WWOX: variants seen among roughly 807,000 people sequenced by gnomAD.
WWOX encodes the protein WW domain containing oxidoreductase.
In WWOX, 69 loss-of-function variants were observed where a neutral mutation model predicts 46.2. The ratio of observed to expected loss-of-function variants is 1.49; its 90% CI spans 1.23 to 1.82. The LOEUF (loss-of-function observed/expected upper bound fraction) is 1.82, where lower values mean the gene tolerates loss of function less well. Among genes scored for constraint, WWOX ranks in the 40% most tolerant of loss-of-function variants. The probability of loss-of-function intolerance (pLI) is 0.00; values close to 1 mark genes in which losing one functional copy is unlikely to be tolerated. For synonymous variants in WWOX, 359 were observed against 202.6 expected (o/e 1.77, Z -6.56); for missense variants, 919 against 542.6 (o/e 1.69, Z -6.89).
chr16:78,999,235 C>G (rs2047047986), intron 8 of WWOX, among the ~76,000 whole-genome samples: 1 of 151,864 alleles, frequency 6.6e-6, no homozygotes, highest in Non-Finnish European at 1.5e-5. Flanking sequence ...CTTTGGGAGG[C>G]CAATGCAGGC....
chr16:78,943,973 G>C (rs904778093), intron 8 of WWOX, among the ~76,000 whole-genome samples: 2 of 152,158 alleles, frequency 1.3e-5, no homozygotes, highest in South Asian at 2.1e-4. Context: ...TTCATTTTCA[G>C]GTCCTTCACC....
In WWOX at chr16:79,057,872, A is replaced by G. The variant is rs530068831; in HGVS notation, c.1057-153736A>G. 1.3e-4 allele frequency among the ~76,000 whole-genome samples: 20 copies of G among 152,318 alleles called. No homozygotes were observed. The South Asian group carries it at 3.9e-3, about 30-fold the overall frequency. ...CTGTTGTATCATCTGAATTATTTCC[A>G]TATCCATAATGTGCAAGGATATCCT... On this transcript the variant is annotated intron_variant, in intron 8 of 8. Transcript: ENST00000566780.
At chr16:79,108,659 T>C (rs1420221020) in intron 8 of WWOX, among the ~76,000 whole-genome samples, 1 of 152,156 alleles carries the variant, frequency 6.6e-6, no homozygotes, top group Non-Finnish European at 1.5e-5. Context: ...CCTAGCACTT[T>C]GAGAGGCTGA....
chr16:78,910,520 T>C (rs1238829378), intron 8 of WWOX, among the ~76,000 whole-genome samples: 2 of 138,736 alleles, frequency 1.4e-5, no homozygotes, highest in Non-Finnish European at 3.2e-5. Flanking sequence ...TTTTTTTTTT[T>C]TAAATTAAGG....
At chr16:78,594,687 AT>A (rs2045442769) in intron 8 of WWOX, among the ~76,000 whole-genome samples, 1 of 152,056 alleles carries the variant, frequency 6.6e-6, no homozygotes, top group Non-Finnish European at 1.5e-5. Context: ...AGGGTTTGTC[AT>A]GGACCACACC....
intron 5 of WWOX, among the ~76,000 whole-genome samples, chr16:78,202,711 T>A (rs2036269809): frequency 6.6e-6 from 1 of 152,130 alleles, no homozygotes; most frequent in Admixed American, 6.5e-5. Flanking sequence ...TCTAAAAGAG[T>A]GTCCTCCCAG....
chr16:78,268,063 C>T (rs748448268), intron 5 of WWOX, among the ~76,000 whole-genome samples: 8 of 152,216 alleles, frequency 5.3e-5, no homozygotes, highest in Non-Finnish European at 1.0e-4. Flanking sequence ...AAGCGATCTG[C>T]CTGCCTTGTC....
At chr16:78,910,511 T>G (rs74403091) in intron 8 of WWOX, among the ~76,000 whole-genome samples, 6 of 137,582 alleles carry the variant, frequency 4.4e-5, no homozygotes, top group African/African-American at 5.3e-5. Context: ...CTTTTGTTTT[T>G]TTTTTTTTTT....
At chr16:79,042,778 A>G (rs1394968043) in intron 8 of WWOX, among the ~76,000 whole-genome samples, 1 of 148,640 alleles carries the variant, frequency 6.7e-6, no homozygotes, top group Non-Finnish European at 1.5e-5. Context: ...GGATTTCTCA[A>G]ATGCACATTT....
At chr16:78,784,335 A>G (rs546973110) in intron 8 of WWOX, among the ~76,000 whole-genome samples, 1 of 152,272 alleles carries the variant, frequency 6.6e-6, no homozygotes, top group South Asian at 2.1e-4. Context: ...CCCTGATGAG[A>G]TTACAGGTCC....
intron 8 of WWOX, among the ~76,000 whole-genome samples, chr16:79,165,127 G>C (rs538191519): frequency 1.4e-5 from 2 of 147,438 alleles, no homozygotes; most frequent in South Asian, 2.2e-4. Flanking sequence ...TGATATGGAA[G>C]GTCTTCACAG....
intron 8 of WWOX, among the ~76,000 whole-genome samples, chr16:78,809,088 C>T (rs1020814734): frequency 6.6e-6 from 1 of 152,042 alleles, no homozygotes; most frequent in African/African-American, 2.4e-5. Flanking sequence ...TGAGGACACA[C>T]GGCGTTCTGC....
At chr16:78,150,734 A>G (rs2034376193) in intron 4 of WWOX, among the ~76,000 whole-genome samples, 1 of 152,172 alleles carries the variant, frequency 6.6e-6, no homozygotes, top group African/African-American at 2.4e-5. Flanking sequence ...TACTTAAATC[A>G]TTGGCCATTG....
chr16:78,495,145 C>CTTTTTTTTTTTTTTTTTTT (rs71140804), intron 8 of WWOX, among the ~76,000 whole-genome samples: 15 of 116,598 alleles, frequency 1.3e-4, no homozygotes, highest in Non-Finnish European at 2.3e-4. Context: ...CTGTTGTGTT[C>CTTTTTTTTTTTTTTTTTTT]TTTTTTTTTT....
At chr16:78,968,052 CATGGCACAGTGTGTGGTCTGT>C (rs2046395466) in intron 8 of WWOX, among the ~76,000 whole-genome samples, 1 of 151,960 alleles carries the variant, frequency 6.6e-6, no homozygotes, top group Admixed American at 6.6e-5. Flanking sequence ...GCATGGTCTG[CATGGCACAGTGTGTGGTCTGT>C]ATGGCACAGT....
intron 8 of WWOX, among the ~76,000 whole-genome samples, chr16:79,126,185 G>C (rs1003589353): frequency 6.6e-6 from 1 of 152,040 alleles, no homozygotes; most frequent in Non-Finnish European, 1.5e-5. Flanking sequence ...AAGAGGATGT[G>C]AGCTGAGGCT....
intron 8 of WWOX, among the ~76,000 whole-genome samples, chr16:79,171,618 T>G (rs530960230): frequency 6.6e-6 from 1 of 152,204 alleles, no homozygotes; most frequent in East Asian, 1.9e-4. Context: ...AGTATCTCAG[T>G]GTTGAGTCCA....
intron 8 of WWOX, among the ~76,000 whole-genome samples, chr16:78,613,750 A>G (rs1278067810): frequency 6.6e-6 from 1 of 152,194 alleles, no homozygotes; most frequent in Admixed American, 6.5e-5. Flanking sequence ...GCTTTCCAAA[A>G]TGGGAACAAG....
intron 8 of WWOX, among the ~76,000 whole-genome samples, chr16:78,826,233 C>G (rs910682282): frequency 6.6e-6 from 1 of 152,170 alleles, no homozygotes; most frequent in Non-Finnish European, 1.5e-5. Context: ...GTAATCACAG[C>G]TACTTGGGAG....
Sources: gnomAD v4.1 joint callset for allele counts (sites outside exome capture counted in the v4.1 genomes callset) on GRCh38, gnomAD v4.1.1 for gene constraint, MANE v1.5 for transcripts, NCBI Gene and HGNC (gene_info 2026-07-23, HGNC 2026-07-21) for gene names.